ZNF654: variants seen among roughly 807,000 people sequenced by gnomAD.
The protein encoded by ZNF654 is zinc finger protein 654, also known as melanoma-associated antigen.
ZNF654 carries 19 observed loss-of-function variants against 95.3 expected under a neutral mutation model. The ratio of observed to expected loss-of-function variants is 0.20; its 90% CI spans 0.14 to 0.29. The LOEUF is 0.29. ZNF654 is among the 10% of genes least tolerant of loss of function. The probability of loss-of-function intolerance (pLI) is 1.00; values close to 1 mark genes in which losing one functional copy is unlikely to be tolerated. For missense variants in ZNF654, 1,046 were observed against 1,341.0 expected (o/e 0.78, Z 3.44); for synonymous variants, 413 against 457.9 (o/e 0.90, Z 1.25).
intron 3 of ZNF654, among the ~76,000 whole-genome samples, chr3:88,113,631 G>C (rs1340263670): frequency 6.6e-6 from 1 of 152,074 alleles, no homozygotes; most frequent in African/African-American, 2.4e-5. Flanking sequence ...GGAGAGAAGA[G>C]AGTAAATTCA....
intron 3 of ZNF654, among the ~76,000 whole-genome samples, chr3:88,116,612 T>TGCA (rs764311596): frequency 6.7e-6 from 1 of 149,816 alleles, no homozygotes. Flanking sequence ...TGTATATATG[T>TGCA]TGTGTGTGTG....
At chr3:88,113,236 A>C in intron 3 of ZNF654, 40 bp downstream of exon 3, 1 of 1,279,470 alleles carries the variant, frequency 7.8e-7, no homozygotes, top group Non-Finnish European at 1.1e-6. Flanking sequence ...GTCTACACTT[A>C]AAATAGACCA....
chr3:88,140,128 T>G lies in ZNF654; in HGVS notation c.2459T>G (p.Phe820Cys). The part of the protein sequence containing the change: ...SYPNVYFCLH[F>C]NCNESFKLPF... ...CCAAATGTGTATTTTTGTTTGCATT[T>G]TAATTGCAACGAGTCGTTTAAGCTG... is the stretch of plus-strand genomic sequence containing the variant. The change falls in exon 8 of 9, where the codon TTT becomes TGT. Residue 820 changes from phenylalanine (F) to cysteine (C), a missense_variant. By Grantham distance (205) the Phe-to-Cys change is radical. Around this residue, in one of 9 missense-constraint regions of ZNF654, gnomAD observed 495 missense variants for 537.0 expected, o/e 0.92. Transcript: ENST00000636215. 6.2e-7 allele frequency: 1 copy of G among 1,613,898 alleles called. No individual in the cohort carries two copies. Among genetic ancestry groups the G allele is most frequent in the Non-Finnish European group, 8.5e-7 (1 of 1,179,804 alleles).
intron 1 of ZNF654, among the ~76,000 whole-genome samples, chr3:88,080,339 G>T (rs1708015433): frequency 6.6e-6 from 1 of 151,934 alleles, no homozygotes; most frequent in Non-Finnish European, 1.5e-5. Flanking sequence ...TAATTTTGTT[G>T]TTTTCTTTTC....
rs757750732 is a variant in ZNF654 at position 88,140,252 on chromosome 3, G to T, written c.2583G>T (p.Leu861=). Residue 861 remains leucine, a synonymous_variant, in exon 8 of 9, where the codon CTG becomes CTT. Transcript: ENST00000636215. ...CHELFEDLPL[L]YEHEAQHYLS... is the part of the protein sequence containing the mutation. ...AGCTTTTTGAAGATCTTCCTCTGCT[G>T]TATGAACATGAAGCTCAACACTATT... 6.2e-7 allele frequency: 1 copy of T among 1,613,814 alleles called. No homozygotes were observed. The highest frequency in any genetic ancestry group is 8.5e-7 in the Non-Finnish European group (1 of 1,179,782).
intron 1 of ZNF654, among the ~76,000 whole-genome samples, chr3:88,078,572 A>G (rs1377679176): frequency 6.6e-6 from 1 of 152,156 alleles, no homozygotes; most frequent in Non-Finnish European, 1.5e-5. Flanking sequence ...ATGGCCACTA[A>G]AAGTAGTATA....
At position 88,059,281 on chromosome 3, in the gene ZNF654, C is replaced by T. The variant is rs761188196; in HGVS notation, c.-39C>T. ...GCCTAGGCATCTACGGCGGCGGCGG[C>T]GGCGCAGGGGCTGGTACGCGCTGGG... On this transcript the variant is annotated 5_prime_UTR_variant, in exon 1 of 9. Coordinates refer to ENST00000636215, the MANE Select transcript of ZNF654 (RefSeq NM_001350134.2). 6.5e-7 allele frequency: 1 copy of T among 1,532,104 alleles called. No homozygotes were observed. Among genetic ancestry groups the T allele is most frequent in the African/African-American group, 1.4e-5 (1 of 72,868 alleles). 94.9% of individuals were successfully genotyped at this position (1,532,104 alleles called of 1,614,324 possible).
At chr3:88,097,361 A>G (rs1056344405) in intron 2 of ZNF654, among the ~76,000 whole-genome samples, 2 of 150,148 alleles carry the variant, frequency 1.3e-5, no homozygotes, top group Non-Finnish European at 3.0e-5. Flanking sequence ...CTTTGTCAAC[A>G]GTTTTTTTTT....
At chr3:88,076,527 TTTTC>T (rs1301893098) in intron 1 of ZNF654, among the ~76,000 whole-genome samples, 1 of 152,192 alleles carries the variant, frequency 6.6e-6, no homozygotes, top group African/African-American at 2.4e-5. Flanking sequence ...CTCCTTTTAT[TTTTC>T]TTTAATTTTT....
At chr3:88,076,625 C>G (rs1238727525) in intron 1 of ZNF654, among the ~76,000 whole-genome samples, 1 of 151,980 alleles carries the variant, frequency 6.6e-6, no homozygotes, top group Non-Finnish European at 1.5e-5. Flanking sequence ...CCGAGCATAC[C>G]TCATCCTAGA....
intron 3 of ZNF654, among the ~76,000 whole-genome samples, chr3:88,124,216 T>C (rs992543948): frequency 3.3e-5 from 5 of 152,202 alleles, no homozygotes; most frequent in Admixed American, 1.3e-4. Flanking sequence ...TGTATATTAT[T>C]ACTTCATCCT....
chr3:88,095,046 T>C (rs1314424158), intron 2 of ZNF654, among the ~76,000 whole-genome samples: 1 of 152,142 alleles, frequency 6.6e-6, no homozygotes, highest in East Asian at 1.9e-4. Flanking sequence ...AATTATAGAA[T>C]TCAAAATATT....
intron 1 of ZNF654, among the ~76,000 whole-genome samples, chr3:88,083,375 A>C (rs1222661925): frequency 1.3e-5 from 2 of 152,198 alleles, no homozygotes; most frequent in Non-Finnish European, 2.9e-5. Flanking sequence ...TGGTTAATTA[A>C]GATATGACAT....
chr3:88,113,201 A>G lies in ZNF654; in HGVS notation c.414+5A>G, dbSNP rs1705196907. On this transcript the variant is annotated splice_donor_5th_base_variant and intron_variant, in intron 3 of 8. Transcript: ENST00000636215. ...GATATTCTTGGATCATTCCAGGTAA[A>G]AAACAGTTTACTACTTCACACTTTG... 2 of 1,522,634 alleles carry G rather than the reference A, an allele frequency of 1.3e-6. No individual in the cohort carries two copies. The highest frequency in any genetic ancestry group is 1.8e-6 in the Non-Finnish European group (2 of 1,136,312). The allele number at this position is 1,522,634 out of a possible 1,614,324, so 94.3% of individuals were successfully genotyped here. A position where few individuals can be genotyped will look rare whatever the true frequency, so the allele number is the denominator to read the frequency against.
rs57262782 is a variant in ZNF654, at chr3:88,095,075, T to G, written c.332+8673T>G. Among the ~76,000 whole-genome samples, 1,277 of 152,250 alleles carry G rather than the reference T, an allele frequency of 8.4e-3. 13 individuals carry two copies. Among genetic ancestry groups the G allele is most frequent in the African/African-American group, 0.028 (1,145 of 41,564 alleles). On this transcript the variant is annotated intron_variant, in intron 2 of 8. Coordinates refer to ENST00000636215, the MANE Select transcript of ZNF654 (RefSeq NM_001350134.2). ...AAATATTTAAGCAAATCATATATTT[T>G]TAGTAATTTATTGGTTGAAGCTTAT...
chr3:88,119,390 T>TGGGGGAA (rs1413878530), intron 3 of ZNF654, among the ~76,000 whole-genome samples: 1 of 41,958 alleles, frequency 2.4e-5, no homozygotes, highest in African/African-American at 1.0e-4. Context: ...TGTTGTGGGG[T>TGGGGGAA]GGGGGGAGGG....
chr3:88,117,882 C>T (rs1705505314), intron 3 of ZNF654, among the ~76,000 whole-genome samples: 1 of 151,556 alleles, frequency 6.6e-6, no homozygotes, highest in African/African-American at 2.4e-5. Flanking sequence ...TGTTAAGTTT[C>T]ATTCTAGACA....
rs550909343 is a variant in ZNF654, at chr3:88,065,994, A to G, written c.186+6489A>G. Among the ~76,000 whole-genome samples the G allele has an allele frequency of 6.6e-5, 10 of 152,330 alleles. No individual in the cohort carries two copies. The East Asian group carries it at 1.2e-3, about 18-fold the overall frequency. Reference sequence around the variant, plus strand: ...AGCGAGTCACCCACTGTGGCCTCCCATGATGCTAGGATTACAGGCATGAGC... The same window carrying G: ...AGCGAGTCACCCACTGTGGCCTCCCGTGATGCTAGGATTACAGGCATGAGC... On this transcript the variant is annotated intron_variant, in intron 1 of 8. Coordinates refer to ENST00000636215, the MANE Select transcript of ZNF654 (RefSeq NM_001350134.2).
At chr3:88,127,286 G>A (rs965535014) in intron 4 of ZNF654, among the ~76,000 whole-genome samples, 2 of 152,016 alleles carry the variant, frequency 1.3e-5, no homozygotes, top group South Asian at 4.1e-4. Flanking sequence ...AAGGGGTTAG[G>A]GTGGGTTGTG....
Sources: gnomAD v4.1 joint callset for allele counts (sites outside exome capture counted in the v4.1 genomes callset) on GRCh38, gnomAD v4.1.1 for gene constraint, gnomAD v4.1.1 regional missense constraint, MANE v1.5 for transcripts, NCBI Gene and HGNC (gene_info 2026-07-23, HGNC 2026-07-21) for gene names.